The following ZNF521 variants were observed in gnomAD, a reference collection of about 807,000 sequenced individuals.
ZNF521 encodes the protein zinc finger protein 521.
Under a neutral mutation model 105.5 loss-of-function variants are expected in ZNF521, and 14 were observed. The observed-to-expected ratio is 0.13, with a 90% CI of 0.09 to 0.21. ZNF521 has a LOEUF of 0.21. Among genes scored for constraint, ZNF521 ranks in the 10% least tolerant of loss-of-function variants. The probability of loss-of-function intolerance (pLI) is 1.00; values close to 1 mark genes in which losing one functional copy is unlikely to be tolerated. For missense variants in ZNF521, 1,233 were observed against 1,629.7 expected, an observed-to-expected ratio of 0.76 and a Z score of 4.19; for synonymous variants, 635 against 606.0, an observed-to-expected ratio of 1.05 and a Z score of -0.70.
At chr18:25,257,819 G>T (rs768717513) in intron 3 of ZNF521, among the ~76,000 whole-genome samples, 1 of 152,146 alleles carries the variant, frequency 6.6e-6, no homozygotes, top group Non-Finnish European at 1.5e-5. Flanking sequence ...GTCTTGGGAA[G>T]AGGTCCATAT....
intron 3 of ZNF521, among the ~76,000 whole-genome samples, chr18:25,271,942 A>C (rs1909689209): frequency 6.6e-6 from 1 of 152,250 alleles, no homozygotes; most frequent in South Asian, 2.1e-4. Context: ...GAGCTTCTGC[A>C]ATCCAATAGA....
At chr18:25,235,276 C>G (rs1906810692) in intron 3 of ZNF521, among the ~76,000 whole-genome samples, 1 of 152,174 alleles carries the variant, frequency 6.6e-6, no homozygotes, top group African/African-American at 2.4e-5. Context: ...AATATACGTA[C>G]TGAGCTTTGA....
intron 3 of ZNF521, among the ~76,000 whole-genome samples, chr18:25,292,230 G>A (rs1307239714): frequency 2.1e-5 from 3 of 146,082 alleles, no homozygotes; most frequent in South Asian, 2.1e-4. Context: ...ATATCAAACT[G>A]TGATGCTGAC....
intron 3 of ZNF521, among the ~76,000 whole-genome samples, chr18:25,231,253 A>G (rs1906508723): frequency 6.6e-6 from 1 of 152,060 alleles, no homozygotes; most frequent in Non-Finnish European, 1.5e-5. Context: ...TGCAAGGAAG[A>G]CCTCCATCTC....
rs569566569 is a variant in ZNF521 at position 25,123,476 on chromosome 18, T to C, written c.3659-31395A>G. On this transcript the variant is annotated intron_variant, in intron 5 of 7. Transcript: ENST00000361524. ...CAAAAACCTTTAGAGCTAAAGTACCTTCAAGCAATCTCCTCATTTCCTGAT... is the reference window on the plus strand; with the variant it reads ...CAAAAACCTTTAGAGCTAAAGTACCCTCAAGCAATCTCCTCATTTCCTGAT... Among the ~76,000 whole-genome samples the C allele has an allele frequency of 2.0e-5, 3 of 152,314 alleles. No homozygotes were observed. The South Asian group carries it at 6.2e-4, about 32-fold the overall frequency.
intron 3 of ZNF521, among the ~76,000 whole-genome samples, chr18:25,308,653 C>A (rs1019251266): frequency 5.3e-5 from 6 of 113,896 alleles, no homozygotes; most frequent in African/African-American, 2.3e-4. Context: ...ATGACATCCC[C>A]CCCCCCCCAC....
chr18:25,150,042 A>C (rs1173434284), intron 5 of ZNF521, among the ~76,000 whole-genome samples: 1 of 152,190 alleles, frequency 6.6e-6, no homozygotes, highest in Non-Finnish European at 1.5e-5. Context: ...TGTACCCACA[A>C]TTAATGAAAG....
intron 3 of ZNF521, among the ~76,000 whole-genome samples, chr18:25,231,097 T>C (rs1176247812): frequency 2.0e-5 from 3 of 152,208 alleles, no homozygotes; most frequent in Non-Finnish European, 4.4e-5. Flanking sequence ...TATTTCCTAA[T>C]TTCGCTGGCT....
intron 5 of ZNF521, among the ~76,000 whole-genome samples, chr18:25,125,357 T>C (rs757034463): frequency 2.5e-4 from 38 of 152,256 alleles, no homozygotes; most frequent in Middle Eastern, 6.8e-3. Context: ...TAGAACTGTT[T>C]GATTAACAAT....
intron 5 of ZNF521, among the ~76,000 whole-genome samples, chr18:25,168,389 G>A (rs535298540): frequency 1.4e-4 from 21 of 152,088 alleles, no homozygotes; most frequent in South Asian, 2.1e-4. Context: ...CTTTTCTCCC[G>A]GTTCTGTATC....
chr18:25,280,847 A>C (rs1018521350), intron 3 of ZNF521, among the ~76,000 whole-genome samples: 5 of 152,316 alleles, frequency 3.3e-5, no homozygotes, highest in Non-Finnish European at 5.9e-5. Flanking sequence ...TCAAAGATTG[A>C]TCAAGGATAA....
Position 25,226,636 on chromosome 18 carries a change from T to G in ZNF521, c.1282A>C (p.Met428Leu). The G allele has an allele frequency of 6.2e-7, 1 of 1,614,206 alleles. No individual in the cohort carries two copies. The highest frequency in any genetic ancestry group is 1.1e-5 in the South Asian group (1 of 91,082). Reference protein sequence around the residue: ...LAVLQIHLKTMHLDKPEQAHI... With the variant: ...LAVLQIHLKTLHLDKPEQAHI... Reference sequence around the variant, plus strand: ...GCCTGTTCTGGCTTATCTAAGTGCATAGTTTTCAGGTGAATCTGCAGAACT... The same window carrying G: ...GCCTGTTCTGGCTTATCTAAGTGCAGAGTTTTCAGGTGAATCTGCAGAACT... Residue 428 changes from methionine (M) to leucine (L), a missense_variant, in exon 4 of 8, where the codon ATG (methionine) becomes CTG (leucine). Transcript: ENST00000361524. The surrounding 1 kb of genome is among the most constrained non-coding windows in gnomAD (Gnocchi z 4.1).
chr18:25,161,004 A>AT (rs1342352530), intron 5 of ZNF521, among the ~76,000 whole-genome samples: 2 of 152,118 alleles, frequency 1.3e-5, no homozygotes, highest in Non-Finnish European at 2.9e-5. Context: ...TGGCAAGCTA[A>AT]TAAGGTGACC....
chr18:25,104,191 T>A (rs1024554781), intron 5 of ZNF521, among the ~76,000 whole-genome samples: 1 of 152,172 alleles, frequency 6.6e-6, no homozygotes, highest in African/African-American at 2.4e-5. Context: ...AATTTTTCTA[T>A]AACCTGAACC....
chr18:25,123,906 C>T (rs1340518976), intron 5 of ZNF521, among the ~76,000 whole-genome samples: 4 of 152,094 alleles, frequency 2.6e-5, no homozygotes, highest in Non-Finnish European at 4.4e-5. Flanking sequence ...TTTGATAAAT[C>T]ATCACCTTTA....
chr18:25,194,768 A>T (rs746594097), intron 5 of ZNF521, among the ~76,000 whole-genome samples: 5 of 151,870 alleles, frequency 3.3e-5, no homozygotes, highest in Middle Eastern at 6.8e-3. Context: ...TGATACAAAG[A>T]TGCTTAAGCA....
chr18:25,116,954 T>C (rs935926676), intron 5 of ZNF521, among the ~76,000 whole-genome samples: 2 of 125,018 alleles, frequency 1.6e-5, no homozygotes, highest in African/African-American at 3.3e-5. Flanking sequence ...CACATATATA[T>C]GTATATATGT....
intron 5 of ZNF521, among the ~76,000 whole-genome samples, chr18:25,178,791 T>C (rs1348966076): frequency 6.6e-6 from 1 of 152,190 alleles, no homozygotes; most frequent in African/African-American, 2.4e-5. Context: ...TTTGATGCAA[T>C]GATAGCAAAG....
rs1043660714 is a variant in ZNF521 at position 25,143,434 on chromosome 18, A to AT, written c.3659-51354dup. Among the ~76,000 whole-genome samples, 131 of 152,032 alleles carry AT rather than the reference A, an allele frequency of 8.6e-4. 1 individual carries two copies. The highest frequency in any genetic ancestry group is 3.0e-3 in the African/African-American group (125 of 41,416). ...TGAAGTGTGTAAGTAAATGAGATAG[A>AT]TTTTCTTGTGTATCTTGTAAACTGG... is the stretch of plus-strand genomic sequence containing the variant. On this transcript the variant is annotated intron_variant, in intron 5 of 7. Transcript: ENST00000361524.
Sources: allele counts gnomAD v4.1 joint callset (sites outside exome capture counted in the v4.1 genomes callset), GRCh38; gene constraint gnomAD v4.1.1; non-coding constraint Gnocchi (gnomAD v3.1); transcripts MANE v1.5; gene names NCBI Gene and HGNC (gene_info 2026-07-23, HGNC 2026-07-21).